PSMA2: variants seen among roughly 807,000 people sequenced by gnomAD.
PSMA2 encodes the protein proteasome subunit alpha type-2.
PSMA2 carries 2 observed loss-of-function variants against 35.9 expected under a neutral mutation model. The observed-to-expected ratio is 0.06, with a 90% CI of 0.02 to 0.18. PSMA2 has a LOEUF of 0.18. Ranked by LOEUF, PSMA2 falls within the 10% of genes least tolerant of loss-of-function variation. PSMA2 has a pLI of 1.00. For missense variants in PSMA2, 126 were observed against 278.8 expected (o/e 0.45, Z 3.90); for synonymous variants, 97 against 98.2 (o/e 0.99, Z 0.07).
chr7:42,921,838 G>A lies in PSMA2; in HGVS notation c.530+20C>T. On this transcript the variant is annotated intron_variant, in intron 6 of 7. Transcript: ENST00000223321. ...TAAAGTGAGTTTGCTAAAGAATGCA[G>A]TTACAATGAGTAGGCCTACCTTTTC... The A allele has an allele frequency of 1.3e-6, 2 of 1,598,770 alleles. No individual in the cohort carries two copies. The highest frequency in any genetic ancestry group is 1.7e-6 in the Non-Finnish European group (2 of 1,169,828).
chr7:42,918,888 A>T (rs772381370), intron 6 of PSMA2: 3 of 185,580 alleles, frequency 1.6e-5, no homozygotes, highest in African/African-American at 7.1e-5. Context: ...CAGTGGTGCA[A>T]TCTTGGCTCA....
At chr7:42,929,337 T>C (rs974070685) in intron 1 of PSMA2, among the ~76,000 whole-genome samples, 6 of 152,230 alleles carry the variant, frequency 3.9e-5, no homozygotes, top group Admixed American at 3.3e-4. Flanking sequence ...ATCATAACTT[T>C]CTGGGTCCAT....
rs371213641 is a variant in PSMA2, at chr7:42,932,147, G to C, written c.12C>G (p.Arg4=). The change falls in exon 1 of 8, where the codon CGC becomes CGG. Residue 4 remains arginine (R), a synonymous_variant. Coordinates refer to ENST00000223321, the MANE Select transcript of PSMA2 (RefSeq NM_002787.5). MAE[R]GYSFSLTTFS... is the part of the protein sequence containing the mutation. ...ATGTAGTCAGCGAAAAGCTGTACCC[G>C]CGCTCCGCCATCTTTACCCGAAGAG... 1.9e-6 allele frequency: 3 copies of C among 1,614,100 alleles called. No individual in the cohort carries two copies. The highest frequency in any genetic ancestry group is 8.5e-7 in the Non-Finnish European group (1 of 1,180,038).
In PSMA2 at chr7:42,917,485, A is replaced by C; in HGVS notation, c.*89T>G. 1.1e-6 allele frequency: 1 copy of C among 950,140 alleles called. No homozygotes were observed. The highest frequency in any genetic ancestry group is 1.7e-6 in the Non-Finnish European group (1 of 605,094). The allele number at this position is 950,140 out of a possible 1,614,324, so 58.9% of individuals were successfully genotyped here. On this transcript the variant is annotated 3_prime_UTR_variant, in exon 8 of 8. Coordinates refer to ENST00000223321, the MANE Select transcript of PSMA2 (RefSeq NM_002787.5). ...CGATTTAAACCATGTAGAAATAAGT[A>C]TGCAAAAAGTCTGCAAAACAAAACA...
chr7:42,923,461 TC>T (rs1310343240), intron 4 of PSMA2, 55 bp from the exon 5 acceptor site: 3 of 1,398,962 alleles, frequency 2.1e-6, no homozygotes, highest in Non-Finnish European at 3.0e-6. Flanking sequence ...AAAGTCATCC[TC>T]AAGAATTTAT....
intron 6 of PSMA2, chr7:42,920,943 T>TA (rs34726500): frequency 2.0e-5 from 3 of 151,978 alleles, no homozygotes; most frequent in African/African-American, 7.3e-5. Flanking sequence ...ATGTGGGAGC[T>TA]AAAAAAGTGG....
chr7:42,919,727 C>G (rs945679358), intron 6 of PSMA2: 1 of 599,034 alleles, frequency 1.7e-6, no homozygotes, highest in Non-Finnish European at 3.1e-6. Context: ...AACATTAACT[C>G]TGAATCTCTT....
chr7:42,926,215 C>A (rs1391556553), intron 3 of PSMA2, among the ~76,000 whole-genome samples: 1 of 152,192 alleles, frequency 6.6e-6, no homozygotes, highest in African/African-American at 2.4e-5. Flanking sequence ...TTTTAAACTG[C>A]ACTGGCGAAA....
intron 4 of PSMA2, among the ~76,000 whole-genome samples, chr7:42,924,376 A>AAAAAAAAAAAAAAAG: frequency 2.0e-5 from 3 of 151,080 alleles, no homozygotes; most frequent in African/African-American, 7.3e-5. Flanking sequence ...AAAAAAAAAA[A>AAAAAAAAAAAAAAAG]AAAGAAAAAT....
intron 3 of PSMA2, among the ~76,000 whole-genome samples, chr7:42,925,817 G>A (rs1376253904): frequency 1.3e-5 from 2 of 152,168 alleles, no homozygotes; most frequent in African/African-American, 4.8e-5. Flanking sequence ...AAGATTCACT[G>A]CCTGATCACA....
At chr7:42,919,272 CACAGCAGCT>C (rs1253927070) in intron 6 of PSMA2, 3 of 615,570 alleles carry the variant, frequency 4.9e-6, no homozygotes, top group African/African-American at 1.8e-5. Context: ...CCAAAGCAGC[CACAGCAGCT>C]GCAGATTTCA....
intron 3 of PSMA2, among the ~76,000 whole-genome samples, chr7:42,925,117 C>CCACA (rs1554326601): frequency 3.8e-4 from 2 of 5,264 alleles, no homozygotes; most frequent in South Asian, 0.05. Context: ...TCACCCCAGC[C>CCACA]CACACACACA....
At chr7:42,930,263 T>TA (rs1323853819) in intron 1 of PSMA2, among the ~76,000 whole-genome samples, 3 of 151,470 alleles carry the variant, frequency 2.0e-5, no homozygotes, top group African/African-American at 4.9e-5. Context: ...TTGGTTTTTT[T>TA]AAAAAAAACT....
At chr7:42,924,587 G>C in intron 4 of PSMA2, 88 bp downstream of exon 4, 1 of 1,300,476 alleles carries the variant, frequency 7.7e-7, no homozygotes, top group Admixed American at 2.2e-5. Context: ...TACAGAAATG[G>C]TAAGTCCCAC....
At chr7:42,918,021 A>G in intron 6 of PSMA2, 186 bp from the exon 7 acceptor site, 1 of 463,630 alleles carries the variant, frequency 2.2e-6, no homozygotes, top group South Asian at 3.8e-5. Context: ...TCTGGTGCTC[A>G]ATTCCCAACA....
chr7:42,930,301 C>A (rs1461679671), intron 1 of PSMA2, among the ~76,000 whole-genome samples: 2 of 151,954 alleles, frequency 1.3e-5, no homozygotes, highest in East Asian at 3.9e-4. Context: ...ACTTTGTGAC[C>A]CAGGCTGGAG....
At chr7:42,921,646 G>T (rs1786131044) in intron 6 of PSMA2, 2 of 376,842 alleles carry the variant, frequency 5.3e-6, no homozygotes, top group East Asian at 7.8e-5. Context: ...TGTAGAAAGA[G>T]AACTCCTTAG....
intron 2 of PSMA2, 104 bp from the exon 3 acceptor site, chr7:42,926,772 A>G: frequency 1.6e-6 from 2 of 1,267,206 alleles, no homozygotes; most frequent in Non-Finnish European, 2.1e-6. Flanking sequence ...TATTTCCTTT[A>G]ATTTATAAAA....
chr7:42,931,571 G>A (rs1786313047), intron 1 of PSMA2, among the ~76,000 whole-genome samples: 1 of 151,932 alleles, frequency 6.6e-6, no homozygotes. Flanking sequence ...GGGGCTTTCG[G>A]TTTTTAGTCC....
Sources: allele counts gnomAD v4.1 joint callset (sites outside exome capture counted in the v4.1 genomes callset), GRCh38; gene constraint gnomAD v4.1.1; transcripts MANE v1.5; gene names NCBI Gene and HGNC (gene_info 2026-07-23, HGNC 2026-07-21).